The following IQCK variants were observed in gnomAD, a reference collection of about 807,000 sequenced individuals.
The protein encoded by IQCK is IQ domain-containing protein K.
A neutral mutation model predicts 28.1 loss-of-function variants in IQCK; 29 were observed. That is an observed-to-expected ratio of 1.03 (90% CI 0.77 to 1.41). The LOEUF (loss-of-function observed/expected upper bound fraction) is 1.41, where lower values mean the gene tolerates loss of function less well. Among genes scored for constraint, IQCK ranks in the 40% most tolerant of loss-of-function variants. The pLI is 0.00. For synonymous variants in IQCK, 113 were observed against 115.1 expected (o/e 0.98, Z 0.12); for missense variants, 359 against 314.7 (o/e 1.14, Z -1.07).
intron 6 of IQCK, among the ~76,000 whole-genome samples, chr16:19,774,634 G>T (rs900640729): frequency 6.6e-6 from 1 of 152,018 alleles, no homozygotes; most frequent in Non-Finnish European, 1.5e-5. Context: ...AAAGTGCTGG[G>T]ATTACAGGCG....
At chr16:19,792,837 C>A (rs2055636238) in intron 7 of IQCK, among the ~76,000 whole-genome samples, 1 of 114,606 alleles carries the variant, frequency 8.7e-6, no homozygotes, top group South Asian at 2.5e-4. Flanking sequence ...CCTCGGCTTC[C>A]CAAAGTGCTG....
At chr16:19,736,056 C>G (rs1978003699) in intron 4 of IQCK, 3 of 453,682 alleles carry the variant, frequency 6.6e-6, no homozygotes, top group African/African-American at 4.0e-5. Flanking sequence ...ATAGCAAGAC[C>G]CTCAACTCAA....
At chr16:19,720,098 C>T (rs1448086289) in intron 1 of IQCK, among the ~76,000 whole-genome samples, 1 of 152,088 alleles carries the variant, frequency 6.6e-6, no homozygotes, top group Non-Finnish European at 1.5e-5. Flanking sequence ...TGCGATGACT[C>T]GAAAGAAGTG....
chr16:19,721,091 T>C (rs1434079467), intron 1 of IQCK, among the ~76,000 whole-genome samples: 2 of 151,798 alleles, frequency 1.3e-5, no homozygotes, highest in Admixed American at 6.6e-5. Context: ...TTATAACAGA[T>C]GGATAAACCC....
chr16:19,840,066 A>C (rs1374810486), intron 9 of IQCK, among the ~76,000 whole-genome samples: 2 of 152,016 alleles, frequency 1.3e-5, no homozygotes, highest in African/African-American at 4.8e-5. Flanking sequence ...ATATATGCTT[A>C]CATATAATAT....
chr16:19,839,306 G>A lies in IQCK; in HGVS notation c.802+12169G>A, dbSNP rs903435653. ...CTCCCGAGTAGCTGGGATTACAGGC[G>A]CACGCCATCACACCCTGCTAATTTT... On this transcript the variant is annotated intron_variant, in intron 9 of 9. Coordinates refer to the IQCK transcript ENST00000320394. Among the ~76,000 whole-genome samples, 4 of 151,618 alleles carry A rather than the reference G, an allele frequency of 2.6e-5. No individual in the cohort carries two copies. In the South Asian group the frequency reaches 6.3e-4, roughly 24 times the overall value.
intron 6 of IQCK, among the ~76,000 whole-genome samples, chr16:19,779,911 G>T (rs1351919099): frequency 6.6e-6 from 1 of 151,410 alleles, no homozygotes; most frequent in Non-Finnish European, 1.5e-5. Flanking sequence ...TAGAGACGGG[G>T]TTTCACCATG....
At chr16:19,836,250 A>G (rs1020110463) in intron 9 of IQCK, among the ~76,000 whole-genome samples, 1 of 152,162 alleles carries the variant, frequency 6.6e-6, no homozygotes, top group Non-Finnish European at 1.5e-5. Context: ...TTAACCTGAA[A>G]AATAAATAAT....
intron 1 of IQCK, among the ~76,000 whole-genome samples, chr16:19,719,342 C>G (rs186640486): frequency 5.9e-5 from 9 of 152,082 alleles, no homozygotes; most frequent in South Asian, 4.2e-4. Context: ...TCCTCAAGGT[C>G]AAGGACTCAG....
intron 6 of IQCK, among the ~76,000 whole-genome samples, chr16:19,772,628 A>C (rs2055334886): frequency 6.6e-6 from 1 of 152,174 alleles, no homozygotes; most frequent in Non-Finnish European, 1.5e-5. Context: ...AGTATAATTG[A>C]AGCTGGTTGA....
chr16:19,718,288 T>G, exon 1 of IQCK: 2 of 1,594,120 alleles, frequency 1.3e-6, no homozygotes, highest in Non-Finnish European at 1.7e-6. Flanking sequence ...CGAACGCGGT[T>G]ACCGTGGAAA....
chr16:19,773,387 C>G (rs1440744309), intron 6 of IQCK, among the ~76,000 whole-genome samples: 5 of 152,300 alleles, frequency 3.3e-5, no homozygotes, highest in Non-Finnish European at 7.3e-5. Flanking sequence ...AACCCTCCCA[C>G]CAAACCCAAA....
intron 4 of IQCK, among the ~76,000 whole-genome samples, chr16:19,755,775 A>G (rs995449659): frequency 6.6e-6 from 1 of 152,208 alleles, no homozygotes; most frequent in Non-Finnish European, 1.5e-5. Flanking sequence ...AGAAGAGATT[A>G]TACTTCAGAA....
intron 4 of IQCK, 74 bp downstream of exon 4, chr16:19,735,524 C>T: frequency 8.2e-7 from 1 of 1,215,282 alleles, no homozygotes; most frequent in Non-Finnish European, 1.2e-6. Context: ...AGCTCATTAT[C>T]TTGGTACCAT....
At chr16:19,738,327 G>C (rs989916983) in intron 4 of IQCK, among the ~76,000 whole-genome samples, 1 of 152,192 alleles carries the variant, frequency 6.6e-6, no homozygotes, top group African/African-American at 2.4e-5. Flanking sequence ...ATTCCCTGGA[G>C]GGGTGAGGAA....
intron 9 of IQCK, among the ~76,000 whole-genome samples, chr16:19,853,879 C>T (rs747344428): frequency 2.0e-5 from 3 of 152,228 alleles, no homozygotes; most frequent in African/African-American, 4.8e-5. Flanking sequence ...CCACGTGCCT[C>T]GGCCTCCCAG....
chr16:19,857,035 C>A (rs1403052709), exon 10 of IQCK: 4 of 171,002 alleles, frequency 2.3e-5, no homozygotes, highest in Non-Finnish European at 4.9e-5. Flanking sequence ...GGAGACCACT[C>A]CTTAACTTTT....
chr16:19,726,194 G>A (rs544148342), intron 1 of IQCK, among the ~76,000 whole-genome samples: 19 of 147,644 alleles, frequency 1.3e-4, no homozygotes, highest in African/African-American at 4.3e-4. Context: ...GATTACATGC[G>A]TGAGCCACCG....
rs187101649 is a variant in IQCK, at chr16:19,735,103, A to G, written c.377-250A>G. ...CCCTTGCTATTCCTGCTTTGGGGCCATAACAAGCTGGTGGACCTGGCCTTA... is the reference window on the plus strand; with the variant it reads ...CCCTTGCTATTCCTGCTTTGGGGCCGTAACAAGCTGGTGGACCTGGCCTTA... On this transcript the variant is annotated intron_variant, in intron 3 of 7. Transcript: ENST00000564186. 2.5e-3 allele frequency among the ~76,000 whole-genome samples: 384 copies of G among 152,278 alleles called. 1 individual carries two copies. Among genetic ancestry groups the G allele is most frequent in the Admixed American group, 3.6e-3 (55 of 15,294 alleles).
Sources: gnomAD v4.1 joint callset for allele counts (sites outside exome capture counted in the v4.1 genomes callset) on GRCh38, gnomAD v4.1.1 for gene constraint, MANE v1.5 for transcripts, NCBI Gene and HGNC (gene_info 2026-07-23, HGNC 2026-07-21) for gene names.